The following OR2T6 variants were observed in gnomAD, a reference collection of about 807,000 sequenced individuals.
OR2T6 encodes the protein olfactory receptor family 2 subfamily T member 6.
For missense variants in OR2T6, 424 were observed against 391.6 expected, an observed-to-expected ratio of 1.08 and a Z score of -0.70; for synonymous variants, 174 against 148.0, an observed-to-expected ratio of 1.18 and a Z score of -1.27.
At position 248,388,180 on chromosome 1, in the gene OR2T6, A is replaced by G. The variant is rs778273316; in HGVS notation, c.572A>G (p.Asp191Gly). The G allele has an allele frequency of 3.1e-6, 5 of 1,613,550 alleles. No homozygotes were observed. The highest frequency in any genetic ancestry group is 1.1e-5 in the South Asian group (1 of 91,034). ...APTMLRLACGDKTTYETVMYV... is the reference protein window; with the variant it reads ...APTMLRLACGGKTTYETVMYV... ...ACCATGCTGAGGCTGGCCTGTGGGG[A>G]CAAAACCACCTATGAAACAGTGATG... The change falls in exon 3 of 3, where the codon GAC (aspartate) becomes GGC (glycine). Residue 191 changes from aspartate to glycine, a missense_variant. Coordinates refer to ENST00000641644, the MANE Select transcript of OR2T6 (RefSeq NM_001005471.2).
intron 1 of OR2T6, among the ~76,000 whole-genome samples, chr1:248,377,494 C>T (rs995464905): frequency 1.3e-5 from 2 of 152,126 alleles, no homozygotes; most frequent in Non-Finnish European, 1.5e-5. Flanking sequence ...TTTGAGGAGG[C>T]AGAAGCATGC....
chr1:248,380,629 T>C (rs1661014050), intron 1 of OR2T6, among the ~76,000 whole-genome samples: 1 of 151,968 alleles, frequency 6.6e-6, no homozygotes, highest in Non-Finnish European at 1.5e-5. Flanking sequence ...TCTTTAGCTA[T>C]ATCCTATAGG....
chr1:248,387,911 C>T lies in OR2T6; in HGVS notation c.303C>T (p.Cys101=). 1.9e-6 allele frequency: 3 copies of T among 1,604,100 alleles called. No homozygotes were observed. The highest frequency in any genetic ancestry group is 2.3e-5 in the South Asian group (2 of 88,684). ...TISFIACTAQ[C]FLYMGFMGAE... ...CTTTCATCGCCTGCACTGCTCAGTGCTTTCTCTACATGGGCTTTATGGGGG... is the reference window on the plus strand; with the variant it reads ...CTTTCATCGCCTGCACTGCTCAGTGTTTTCTCTACATGGGCTTTATGGGGG... Residue 101 remains cysteine, a synonymous_variant, in exon 3 of 3, where the codon TGC becomes TGT. Coordinates refer to ENST00000641644, the MANE Select transcript of OR2T6 (RefSeq NM_001005471.2).
chr1:248,381,304 T>A (rs886207531), intron 1 of OR2T6, among the ~76,000 whole-genome samples: 1 of 152,060 alleles, frequency 6.6e-6, no homozygotes, highest in African/African-American at 2.4e-5. Flanking sequence ...AATGTATTTT[T>A]TTTTCTGGCT....
chr1:248,389,697 G>A lies in OR2T6; in HGVS notation c.*1162G>A, dbSNP rs972857877. ...TGGTAGTCAGCGTTGTGGGCACACA[G>A]ACTCAAGCCACTCCACAAGTCAGTC... On this transcript the variant is annotated 3_prime_UTR_variant, in exon 3 of 3. Transcript: ENST00000641644. The A allele has an allele frequency of 6.6e-6, 1 of 152,184 alleles. No individual in the cohort carries two copies. The highest frequency in any genetic ancestry group is 2.4e-5 in the African/African-American group (1 of 41,438). 9.4% of individuals were successfully genotyped at this position (152,184 alleles called of 1,614,324 possible).
intron 2 of OR2T6, among the ~76,000 whole-genome samples, chr1:248,387,208 G>C (rs893503532): frequency 6.6e-6 from 1 of 152,184 alleles, no homozygotes; most frequent in Non-Finnish European, 1.5e-5. Flanking sequence ...TGAGCCAATG[G>C]CCTATTGAAT....
chr1:248,387,301 A>G (rs994389852), intron 2 of OR2T6, among the ~76,000 whole-genome samples: 1 of 152,194 alleles, frequency 6.6e-6, no homozygotes, highest in African/African-American at 2.4e-5. Context: ...CCAACTCCAA[A>G]TGAAGGATCC....
rs1450277821 is a variant in OR2T6, at chr1:248,391,669, C to T, written c.*3134C>T. The T allele has an allele frequency of 6.6e-6, 1 of 152,168 alleles. No individual in the cohort carries two copies. The highest frequency in any genetic ancestry group is 2.1e-4 in the South Asian group (1 of 4,816). The allele number at this position is 152,168 out of a possible 1,614,324, so 9.4% of individuals were successfully genotyped here. On this transcript the variant is annotated 3_prime_UTR_variant, in exon 3 of 3. Coordinates refer to ENST00000641644, the MANE Select transcript of OR2T6 (RefSeq NM_001005471.2). ...ATCAAAATTGATTCATCTATTGTAA[C>T]AAATGTACTACACTAATGCCAGATG...
chr1:248,381,171 C>T (rs1661023487), intron 1 of OR2T6, among the ~76,000 whole-genome samples: 1 of 151,868 alleles, frequency 6.6e-6, no homozygotes, highest in African/African-American at 2.4e-5. Flanking sequence ...CACACATGTA[C>T]ACACATACAA....
chr1:248,379,478 T>A (rs1660996854), intron 1 of OR2T6, among the ~76,000 whole-genome samples: 1 of 152,024 alleles, frequency 6.6e-6, no homozygotes, highest in Non-Finnish European at 1.5e-5. Context: ...CAAACCACAA[T>A]CAAAACTTGA....
rs1246416992 is a variant in OR2T6, at chr1:248,391,563, A to C, written c.*3028A>C. 3 of 152,212 alleles carry C rather than the reference A, an allele frequency of 2.0e-5. No homozygotes were observed. Among genetic ancestry groups the C allele is most frequent in the Non-Finnish European group, 4.4e-5 (3 of 68,046 alleles). The allele number at this position is 152,212 out of a possible 1,614,324, so 9.4% of individuals were successfully genotyped here. ...ACATAAGATTATGCTACATGGTACT[A>C]TGTATTTGTGGAAAAAAACATACAA... On this transcript the variant is annotated 3_prime_UTR_variant, in exon 3 of 3. Transcript: ENST00000641644.
rs1377190868 is a variant in OR2T6, at chr1:248,387,699, A to G, written c.91A>G (p.Ile31Val). 1.9e-6 allele frequency: 3 copies of G among 1,613,752 alleles called. No individual in the cohort carries two copies. In the Admixed American group the frequency reaches 5.0e-5, roughly 27 times the overall value. Residue 31 changes from isoleucine (I) to valine (V), a missense_variant, in exon 3 of 3, where the codon ATT becomes GTT. Coordinates refer to ENST00000641644, the MANE Select transcript of OR2T6 (RefSeq NM_001005471.2). Reference protein sequence around the residue: ...NKCSGFFFGVICAVFFMAMIA... With the variant: ...NKCSGFFFGVVCAVFFMAMIA... The stretch of plus-strand genomic sequence containing the variant: ...ATGCTCAGGATTCTTTTTCGGTGTC[A>G]TTTGTGCCGTCTTCTTCATGGCCAT...
chr1:248,388,067 T>C lies in OR2T6; in HGVS notation c.459T>C (p.Ala153=), dbSNP rs1288078498. ...TGGCCAGCTCTTGGTTCGGTGGGGC[T>C]TTGGACAGTTTTCTCCTCACCCCCA... ...MILASSWFGG[A]LDSFLLTPIT... is the part of the protein sequence containing the mutation. The change falls in exon 3 of 3, where the codon GCT becomes GCC. Residue 153 remains alanine, a synonymous_variant. Coordinates refer to ENST00000641644, the MANE Select transcript of OR2T6 (RefSeq NM_001005471.2). The C allele has an allele frequency of 1.9e-6, 3 of 1,613,912 alleles. No individual in the cohort carries two copies. In the South Asian group the frequency reaches 3.3e-5, roughly 18 times the overall value.
rs761752934 is a variant in OR2T6 at position 248,388,583 on chromosome 1, C to T, written c.*48C>T. 1 of 1,429,846 alleles carries T rather than the reference C, an allele frequency of 7.0e-7. No homozygotes were observed. The highest frequency in any genetic ancestry group is 9.5e-7 in the Non-Finnish European group (1 of 1,056,022). 88.6% of individuals were successfully genotyped at this position (1,429,846 alleles called of 1,614,324 possible). A position where few individuals can be genotyped will look rare whatever the true frequency, so the allele number is the denominator to read the frequency against. ...AAGAATTCTGATGGTCTAAAACCTC[C>T]ACATCCTGTTCAGGCATATATGGGG... On this transcript the variant is annotated 3_prime_UTR_variant, in exon 3 of 3. Transcript: ENST00000641644.
Position 248,388,149 on chromosome 1 carries a change from G to A in OR2T6, c.541G>A (p.Ala181Thr). The change falls in exon 3 of 3, where the codon GCA (alanine) becomes ACA (threonine). Residue 181 changes from alanine to threonine, a missense_variant. Transcript: ENST00000641644. ...CCAAATCAATCACTTTTTCTGTGAG[G>A]CACCCACCATGCTGAGGCTGGCCTG... ...SHQINHFFCEAPTMLRLACGD... is the reference protein window; with the variant it reads ...SHQINHFFCETPTMLRLACGD... 6.2e-7 allele frequency: 1 copy of A among 1,613,746 alleles called. No individual in the cohort carries two copies. The highest frequency in any genetic ancestry group is 8.5e-7 in the Non-Finnish European group (1 of 1,179,978).
chr1:248,380,761 T>C (rs1311262151), intron 1 of OR2T6, among the ~76,000 whole-genome samples: 4 of 147,962 alleles, frequency 2.7e-5, no homozygotes, highest in African/African-American at 1.0e-4. Context: ...ATTATTATGA[T>C]TTTAGAATTC....
chr1:248,380,444 T>C lies in OR2T6; in HGVS notation c.-158-4267T>C, dbSNP rs550221439. Among the ~76,000 whole-genome samples the C allele has an allele frequency of 4.6e-5, 7 of 152,190 alleles. No homozygotes were observed. In the East Asian group the frequency reaches 1.3e-3, roughly 29 times the overall value. ...TAAAGAATCAACTTTAAATATTCAGTCTGCTTATTTTAAAATCCATTAATA... is the reference window on the plus strand; with the variant it reads ...TAAAGAATCAACTTTAAATATTCAGCCTGCTTATTTTAAAATCCATTAATA... On this transcript the variant is annotated intron_variant, in intron 1 of 2. Transcript: ENST00000641644.
chr1:248,378,536 C>T (rs760659661), intron 1 of OR2T6, among the ~76,000 whole-genome samples: 10 of 149,394 alleles, frequency 6.7e-5, no homozygotes, highest in South Asian at 2.1e-4. Flanking sequence ...GAAACATTTG[C>T]GCATATGTGG....
Position 248,387,625 on chromosome 1 carries a change from A to C in OR2T6, c.17A>C (p.Glu6Ala). The C allele has an allele frequency of 6.3e-7, 1 of 1,583,408 alleles. No homozygotes were observed. Among genetic ancestry groups the C allele is most frequent in the Non-Finnish European group, 8.6e-7 (1 of 1,158,416 alleles). Residue 6 changes from glutamate to alanine, a missense_variant, in exon 3 of 3, where the codon GAA (glutamate) becomes GCA (alanine). Transcript: ENST00000641644. ...CTCAGTACCATGAATGAAAACAATG[A>C]AACCTTGACCAGAGGCTTTACCCTC... is the stretch of plus-strand genomic sequence containing the variant. MNENN[E>A]TLTRGFTLMG...
Sources: allele counts gnomAD v4.1 joint callset (sites outside exome capture counted in the v4.1 genomes callset), GRCh38; gene constraint gnomAD v4.1.1; transcripts MANE v1.5; gene names NCBI Gene and HGNC (gene_info 2026-07-23, HGNC 2026-07-21).